Variants in ADGRB2 observed in about 807,000 individuals in gnomAD.
ADGRB2 encodes brain-specific angiogenesis inhibitor 2.
In ADGRB2, 47 loss-of-function variants were observed where a neutral mutation model predicts 178.7. The observed-to-expected ratio is 0.26, with a 90% CI of 0.21 to 0.34. The LOEUF is 0.34. ADGRB2 is among the 10% of genes least tolerant of loss of function. The pLI is 1.00. For missense variants in ADGRB2, 1,584 were observed against 2,180.8 expected, an observed-to-expected ratio of 0.73 and a Z score of 5.45; for synonymous variants, 870 against 912.4, an observed-to-expected ratio of 0.95 and a Z score of 0.84.
chr1:31,730,804 A>C lies in ADGRB2; in HGVS notation c.4376T>G (p.Leu1459Arg). The C allele has an allele frequency of 6.7e-7, 1 of 1,500,996 alleles. No individual in the cohort carries two copies. Among genetic ancestry groups the C allele is most frequent in the Non-Finnish European group, 8.9e-7 (1 of 1,125,162 alleles). 93.0% of individuals were successfully genotyped at this position (1,500,996 alleles called of 1,614,324 possible). A position where few individuals can be genotyped will look rare whatever the true frequency, so the allele number is the denominator to read the frequency against. ...VPGSTMKMGS[L>R]ERKKLRYSDL... ...CCATTCCCTACAGCCCCTCACCTCCAGGGAGCCCATCTTCATGGTAGAGCC... is the reference window on the plus strand; with the variant it reads ...CCATTCCCTACAGCCCCTCACCTCCCGGGAGCCCATCTTCATGGTAGAGCC... The change falls in exon 29 of 33, where the codon CTG (leucine) becomes CGG (arginine). Residue 1459 changes from leucine to arginine, a missense_variant. By Grantham distance (102) the Leu-to-Arg change is moderately radical. This residue lies in a region of ADGRB2 where 865 missense variants were observed against 1,192.8 expected (regional missense o/e 0.73). Transcript: ENST00000373658.
rs1425400097 is a variant in ADGRB2 at position 31,731,191 on chromosome 1, C to A, written c.3989G>T (p.Gly1330Val). The A allele has an allele frequency of 6.3e-7, 1 of 1,599,434 alleles. No individual in the cohort carries two copies. Among genetic ancestry groups the A allele is most frequent in the Non-Finnish European group, 8.5e-7 (1 of 1,173,804 alleles). The change falls in exon 29 of 33, where the codon GGT becomes GTT. Residue 1330 changes from glycine (G) to valine (V), a missense_variant. This residue lies in a region of ADGRB2 where 865 missense variants were observed against 1,192.8 expected (regional missense o/e 0.73). Transcript: ENST00000373658. ...EANPVYMCGE[G>V]GLRQLDLTWL... ...TGTGAGGTCCAGCTGCCGCAGGCCA[C>A]CCTCCCCACACATGTAAACAGGGTT... is the stretch of plus-strand genomic sequence containing the variant.
Position 31,731,512 on chromosome 1 carries a change from G to T in ADGRB2, c.3761-93C>A, listed in dbSNP as rs1054621111. The T allele has an allele frequency of 5.5e-6, 8 of 1,452,106 alleles. No homozygotes were observed. The Admixed American group carries it at 9.7e-5, about 18-fold the overall frequency. 90.0% of individuals were successfully genotyped at this position (1,452,106 alleles called of 1,614,324 possible). A position where few individuals can be genotyped will look rare whatever the true frequency, so the allele number is the denominator to read the frequency against. On this transcript the variant is annotated intron_variant, in intron 28 of 32. Transcript: ENST00000373658. ...GGCTGGGGAGGTACCAAGCTTCTGC[G>T]CTTGGACAGGAAAGGAAACTGGGTC...
chr1:31,727,732 C>T lies in ADGRB2; in HGVS notation c.4573-127G>A, dbSNP rs1645057052. On this transcript the variant is annotated intron_variant, in intron 32 of 32. Coordinates refer to ENST00000373658, the MANE Select transcript of ADGRB2 (RefSeq NM_001364857.2). This position sits in a 1 kb window ranked among gnomAD's most constrained non-coding sequence, Gnocchi z 4.4. The stretch of plus-strand genomic sequence containing the variant: ...AGTTATGGAGCAATCAGGTGTCAAG[C>T]AGAATTCAAATACAGACCTGCCTGG... 1.8e-6 allele frequency: 2 copies of T among 1,113,756 alleles called. No individual in the cohort carries two copies. Among genetic ancestry groups the T allele is most frequent in the East Asian group, 2.6e-5 (1 of 38,096 alleles). 69.0% of individuals were successfully genotyped at this position (1,113,756 alleles called of 1,614,324 possible).
Position 31,756,678 on chromosome 1 carries a change from C to T in ADGRB2, c.159G>A (p.Ser53=). The T allele has an allele frequency of 6.2e-7, 1 of 1,608,314 alleles. No individual in the cohort carries two copies. Among genetic ancestry groups the T allele is most frequent in the Non-Finnish European group, 8.5e-7 (1 of 1,177,442 alleles). Residue 53 remains serine, a synonymous_variant, in exon 4 of 33, where the codon TCG becomes TCA. Coordinates refer to ENST00000373658, the MANE Select transcript of ADGRB2 (RefSeq NM_001364857.2). The surrounding 1 kb of genome is among the most constrained non-coding windows in gnomAD (Gnocchi z 8.5). ...LASGVLYGAF[S]LQDLFPTIAS... ...CGATGGTAGGAAAGAGGTCCTGCAG[C>T]GAGAAGGCCCCGTAGAGCACACCCG...
rs1352679171 is a variant in ADGRB2, at chr1:31,737,726, G to A, written c.2802C>T (p.Val934=). The change falls in exon 19 of 33, where the codon GTC becomes GTT. Residue 934 remains valine, a synonymous_variant. Transcript: ENST00000373658. Reference sequence around the variant, plus strand: ...ACACTGCACAGCCGATCACCAGGGGGACCGAGGGGGAGCCCGCCAGCTCCA... The same window carrying A: ...ACACTGCACAGCCGATCACCAGGGGAACCGAGGGGGAGCCCGCCAGCTCCA... The part of the protein sequence containing the change: ...LTLELAGSPS[V]PLVIGCAVSC... 4 of 1,613,538 alleles carry A rather than the reference G, an allele frequency of 2.5e-6. No homozygotes were observed. The East Asian group carries it at 8.9e-5, about 36-fold the overall frequency.
At chr1:31,732,885 T>G (rs1645366392) in intron 26 of ADGRB2, 87 bp downstream of exon 26, 3 of 1,470,398 alleles carry the variant, frequency 2.0e-6, no homozygotes, top group East Asian at 5.0e-5. Flanking sequence ...GGTCGGGGCC[T>G]CGATCCTCCC....
intron 15 of ADGRB2, 38 bp from the exon 16 acceptor site, chr1:31,738,975 G>T: frequency 4.5e-6 from 7 of 1,541,870 alleles, no homozygotes; most frequent in Non-Finnish European, 5.3e-6. Flanking sequence ...CTGCCAGCGG[G>T]TGCCAGCCCC....
In ADGRB2 at chr1:31,728,833, C is replaced by CAG. The variant is rs1645133770; in HGVS notation, c.4381-201_4381-200insCT. Among the ~76,000 whole-genome samples the CAG allele has an allele frequency of 6.9e-6, 1 of 144,538 alleles. No homozygotes were observed. The highest frequency in any genetic ancestry group is 2.9e-5 in the African/African-American group (1 of 34,896). 94.8% of individuals were successfully genotyped at this position (144,538 alleles called of 152,430 possible). ...ACACACACACACACACACACACACACACACACACACACACGTCAAATGGCA... is the reference window on the plus strand; with the variant it reads ...ACACACACACACACACACACACACACAGACACACACACACACGTCAAATGGCA... On this transcript the variant is annotated intron_variant, in intron 29 of 32. Transcript: ENST00000373658. The surrounding 1 kb of genome is among the most constrained non-coding windows in gnomAD (Gnocchi z 6.7).
At chr1:31,760,027 G>A (rs1646994107) in intron 1 of ADGRB2, among the ~76,000 whole-genome samples, 1 of 152,126 alleles carries the variant, frequency 6.6e-6, no homozygotes, top group Non-Finnish European at 1.5e-5. Flanking sequence ...GTCTTTTCAG[G>A]ACCTCATAAA....
rs1645139049 is a variant in ADGRB2 at position 31,728,900 on chromosome 1, G to C, written c.4381-267C>G. 6.6e-6 allele frequency among the ~76,000 whole-genome samples: 1 copy of C among 150,814 alleles called. No individual in the cohort carries two copies. The highest frequency in any genetic ancestry group is 1.5e-5 in the Non-Finnish European group (1 of 67,866). On this transcript the variant is annotated intron_variant, in intron 29 of 32. Coordinates refer to ENST00000373658, the MANE Select transcript of ADGRB2 (RefSeq NM_001364857.2). The surrounding 1 kb of genome is among the most constrained non-coding windows in gnomAD (Gnocchi z 6.7). Reference sequence around the variant, plus strand: ...CATGACAGGCCCAGATGCCCACATGGAATCAGAGCCAGTGCTCATTCTCTG... The same window carrying C: ...CATGACAGGCCCAGATGCCCACATGCAATCAGAGCCAGTGCTCATTCTCTG...
chr1:31,732,455 A>G, intron 27 of ADGRB2, 62 bp downstream of exon 27: 2 of 1,567,620 alleles, frequency 1.3e-6, no homozygotes, highest in South Asian at 1.1e-5. Context: ...GGTCTAGGGC[A>G]GGAGGATTGG....
intron 4 of ADGRB2, among the ~76,000 whole-genome samples, chr1:31,750,303 G>A (rs527509231): frequency 2.6e-5 from 4 of 152,296 alleles, no homozygotes; most frequent in Admixed American, 2.6e-4. Flanking sequence ...TGCTGCTCTT[G>A]TTCAGAGGGC....
chr1:31,735,576 T>G lies in ADGRB2; in HGVS notation c.3353+4A>C, dbSNP rs773222971. On this transcript the variant is annotated splice_donor_region_variant and intron_variant, in intron 24 of 32. Transcript: ENST00000373658. The surrounding 1 kb of genome is among the most constrained non-coding windows in gnomAD (Gnocchi z 6.0). The stretch of plus-strand genomic sequence containing the variant: ...AGGCCAAGTCTCAGAGGCCCCCCCC[T>G]TACCCGGCCCTCTGCTTCTTGGATT... 3.5e-5 allele frequency: 56 copies of G among 1,613,170 alleles called. No homozygotes were observed. The highest frequency in any genetic ancestry group is 4.7e-5 in the Non-Finnish European group (56 of 1,179,378).
Position 31,756,075 on chromosome 1 carries a change from C to T in ADGRB2, c.762G>A (p.Gly254=), listed in dbSNP as rs1446375549. ...CGGCCTCAGCAGGTGGGGCTGGGCC[C>T]CCGGGCACCAGGGCATTGGACAGGG... ...AHTLSNALVP[G]GPAPPAEADL... is the part of the protein sequence containing the mutation. The change falls in exon 4 of 33, where the codon GGG becomes GGA. Residue 254 remains glycine (G), a synonymous_variant. Coordinates refer to ENST00000373658, the MANE Select transcript of ADGRB2 (RefSeq NM_001364857.2). The surrounding 1 kb of genome is among the most constrained non-coding windows in gnomAD (Gnocchi z 8.5). The T allele has an allele frequency of 6.2e-7, 1 of 1,614,018 alleles. No homozygotes were observed. The highest frequency in any genetic ancestry group is 8.5e-7 in the Non-Finnish European group (1 of 1,179,994).
At chr1:31,739,117 G>A in intron 15 of ADGRB2, 180 bp from the exon 16 acceptor site, 1 of 852,394 alleles carries the variant, frequency 1.2e-6, no homozygotes, top group Non-Finnish European at 1.8e-6. Context: ...CACCCGCTGG[G>A]TGGCAGCCCA....
Position 31,742,177 on chromosome 1 carries a change from G to A in ADGRB2, c.1293C>T (p.Cys431=). ...QWLEWGPWGP[C]STSCANGTQQ... The stretch of plus-strand genomic sequence containing the variant: ...GGGTCCCATTGGCACAGGACGTGGA[G>A]CATGGGCCCCAGGGACCCCATTCTA... Residue 431 remains cysteine (C), a synonymous_variant, in exon 8 of 33, where the codon TGC becomes TGT. Coordinates refer to ENST00000373658, the MANE Select transcript of ADGRB2 (RefSeq NM_001364857.2). 2 of 1,612,318 alleles carry A rather than the reference G, an allele frequency of 1.2e-6. No individual in the cohort carries two copies. Among genetic ancestry groups the A allele is most frequent in the Non-Finnish European group, 1.7e-6 (2 of 1,179,324 alleles).
At chr1:31,752,923 C>T (rs1462242181) in intron 4 of ADGRB2, among the ~76,000 whole-genome samples, 1 of 152,178 alleles carries the variant, frequency 6.6e-6, no homozygotes, top group African/African-American at 2.4e-5. Context: ...AAGGATGGAG[C>T]CTGATGATGG....
At chr1:31,757,027 G>A (rs751556335) in intron 3 of ADGRB2, among the ~76,000 whole-genome samples, 174 bp downstream of exon 3, 5 of 152,128 alleles carry the variant, frequency 3.3e-5, no homozygotes, top group Admixed American at 6.5e-5. Context: ...AGGACCTATC[G>A]CACAAGTTTC....
Position 31,749,980 on chromosome 1 carries a change from AAAAG to A in ADGRB2, c.839-5253_839-5250del, listed in dbSNP as rs535666545. Among the ~76,000 whole-genome samples the A allele has an allele frequency of 4.4e-3, 663 of 152,272 alleles. 6 individuals are homozygous for A. The highest frequency in any genetic ancestry group is 0.019 in the South Asian group (91 of 4,822). On this transcript the variant is annotated intron_variant, in intron 4 of 32. Coordinates refer to ENST00000373658, the MANE Select transcript of ADGRB2 (RefSeq NM_001364857.2). The stretch of plus-strand genomic sequence containing the variant: ...AAAGAAAGAAAGAGAAAAAGAACAA[AAAAG>A]AAAGAAAGAAAGGGAGATGTAACCC...
Sources: gnomAD v4.1 joint callset for allele counts (sites outside exome capture counted in the v4.1 genomes callset) on GRCh38, gnomAD v4.1.1 for gene constraint, gnomAD v4.1.1 regional missense constraint, Gnocchi (gnomAD v3.1) non-coding constraint, MANE v1.5 for transcripts, NCBI Gene and HGNC (gene_info 2026-07-23, HGNC 2026-07-21) for gene names.